The following ROCK2 variants were observed in gnomAD, a reference collection of about 807,000 sequenced individuals.
ROCK2 encodes Rho associated coiled-coil containing protein kinase 2, also known as rho-associated protein kinase 2.
A neutral mutation model predicts 195.1 loss-of-function variants in ROCK2; 61 were observed. The observed-to-expected ratio is 0.31, with a 90% CI of 0.25 to 0.39. The LOEUF is 0.39. ROCK2 is among the 10% of genes least tolerant of loss of function. The probability of loss-of-function intolerance (pLI) is 1.00; values close to 1 mark genes in which losing one functional copy is unlikely to be tolerated. For missense variants in ROCK2, 1,109 were observed against 1,637.4 expected, an observed-to-expected ratio of 0.68 and a Z score of 5.57; for synonymous variants, 504 against 545.5, an observed-to-expected ratio of 0.92 and a Z score of 1.06.
intron 3 of ROCK2, among the ~76,000 whole-genome samples, chr2:11,283,753 C>G (rs1172454710): frequency 1.3e-5 from 2 of 152,154 alleles, no homozygotes; most frequent in Admixed American, 6.5e-5. Flanking sequence ...ATAACAGCGA[C>G]AAGACCAAAT....
In ROCK2 at chr2:11,195,316, G is replaced by A. The variant is rs529530346; in HGVS notation, c.3449-291C>T. 399 of 126,086 alleles carry A rather than the reference G, an allele frequency of 3.2e-3. 1 individual carries two copies. Among genetic ancestry groups the A allele is most frequent in the African/African-American group, 0.012 (374 of 32,518 alleles). 7.8% of individuals were successfully genotyped at this position (126,086 alleles called of 1,614,324 possible). ...ATTTATAAAATTCAGGAGAAAAGTTGCCAAAAAAAAAAAAAAGGCAGCAGC... is the reference window on the plus strand; with the variant it reads ...ATTTATAAAATTCAGGAGAAAAGTTACCAAAAAAAAAAAAAAGGCAGCAGC... On this transcript the variant is annotated intron_variant, in intron 27 of 32. Coordinates refer to ENST00000315872, the MANE Select transcript of ROCK2 (RefSeq NM_004850.5).
At chr2:11,297,325 T>C (rs1030980284) in intron 1 of ROCK2, among the ~76,000 whole-genome samples, 3 of 152,130 alleles carry the variant, frequency 2.0e-5, no homozygotes, top group African/African-American at 7.2e-5. Flanking sequence ...CATTTTATTC[T>C]TTTCCTAAGT....
At chr2:11,275,989 C>G (rs527760100) in intron 3 of ROCK2, among the ~76,000 whole-genome samples, 1 of 151,992 alleles carries the variant, frequency 6.6e-6, no homozygotes, top group South Asian at 2.1e-4. Flanking sequence ...CGTGAGCCAC[C>G]GTGCCCTGCC....
intron 27 of ROCK2, 32 bp from the exon 28 acceptor site, chr2:11,195,057 A>C (rs763071882): frequency 2.5e-6 from 3 of 1,217,152 alleles, no homozygotes; most frequent in Non-Finnish European, 3.5e-6. Context: ...GAGGCTAAAG[A>C]TAACAATTCT....
At chr2:11,225,447 T>C (rs572839894) in intron 6 of ROCK2, among the ~76,000 whole-genome samples, 1 of 152,116 alleles carries the variant, frequency 6.6e-6, no homozygotes, top group South Asian at 2.1e-4. Flanking sequence ...TTTTAATTTA[T>C]TTTTTAACTT....
intron 1 of ROCK2, among the ~76,000 whole-genome samples, chr2:11,323,494 G>C (rs915905351): frequency 6.6e-6 from 1 of 152,136 alleles, no homozygotes; most frequent in African/African-American, 2.4e-5. Flanking sequence ...ATGCTACTCA[G>C]ATGTTCTGAC....
chr2:11,187,968 T>C (rs945990848), intron 32 of ROCK2, among the ~76,000 whole-genome samples: 1 of 152,174 alleles, frequency 6.6e-6, no homozygotes, highest in Non-Finnish European at 1.5e-5. Flanking sequence ...GTTTTACACT[T>C]CTTAAAACTC....
intron 17 of ROCK2, 59 bp downstream of exon 17, chr2:11,214,298 T>A: frequency 1.0e-6 from 1 of 957,832 alleles, no homozygotes; most frequent in South Asian, 1.5e-5. Flanking sequence ...TAGAATAACT[T>A]TTCTAACCTG....
At chr2:11,204,880 C>T (rs955485880) in intron 20 of ROCK2, among the ~76,000 whole-genome samples, 10 of 152,106 alleles carry the variant, frequency 6.6e-5, no homozygotes, top group Non-Finnish European at 1.5e-4. Flanking sequence ...TATATGTTTC[C>T]TCCGGGGGCA....
chr2:11,254,727 TAAAAAAAAAAAAAA>T (rs10640683), intron 3 of ROCK2, among the ~76,000 whole-genome samples: 7 of 39,130 alleles, frequency 1.8e-4, no homozygotes, highest in South Asian at 5.9e-3. Context: ...CCCTGTCTCT[TAAAAAAAAAAAAAA>T]AAAAAAAAAA....
chr2:11,288,144 C>A (rs1234194981), intron 1 of ROCK2, among the ~76,000 whole-genome samples: 1 of 152,078 alleles, frequency 6.6e-6, no homozygotes, highest in Non-Finnish European at 1.5e-5. Flanking sequence ...AAGAGAAAAT[C>A]CAAAAATAAA....
In ROCK2 at chr2:11,344,137, G is replaced by T; in HGVS notation, c.-1C>A. On this transcript the variant is annotated 5_prime_UTR_variant, in exon 1 of 33. Coordinates refer to ENST00000315872, the MANE Select transcript of ROCK2 (RefSeq NM_004850.5). The surrounding 1 kb of genome is among the most constrained non-coding windows in gnomAD (Gnocchi z 5.4). ...TCCCCGTCGGCGGGGGCCGGCTCAT[G>T]CCGCCACCGCTGGACCCGCACTCAG... 1 of 1,443,250 alleles carries T rather than the reference G, an allele frequency of 6.9e-7. No homozygotes were observed. Among genetic ancestry groups the T allele is most frequent in the South Asian group, 1.5e-5 (1 of 68,454 alleles). The allele number at this position is 1,443,250 out of a possible 1,614,324, so 89.4% of individuals were successfully genotyped here.
At chr2:11,243,557 A>AACT (rs1287143040) in intron 4 of ROCK2, among the ~76,000 whole-genome samples, 2 of 152,204 alleles carry the variant, frequency 1.3e-5, no homozygotes, top group African/African-American at 4.8e-5. Context: ...ATGGCACTTT[A>AACT]ACTCTGCAGT....
At position 11,344,364 on chromosome 2, in the gene ROCK2, G is replaced by A. The variant is rs1669216132; in HGVS notation, c.-228C>T. The A allele has an allele frequency of 8.6e-7, 1 of 1,164,590 alleles. No individual in the cohort carries two copies. The allele number at this position is 1,164,590 out of a possible 1,614,324, so 72.1% of individuals were successfully genotyped here. A position where few individuals can be genotyped will look rare whatever the true frequency, so the allele number is the denominator to read the frequency against. ...CCGGCCCGGCCCTGCCGGGAGCGGC[G>A]GGGAACAGACGGCGTCCCCGCCCCT... On this transcript the variant is annotated 5_prime_UTR_variant, in exon 1 of 33. Transcript: ENST00000315872. The surrounding 1 kb of genome is among the most constrained non-coding windows in gnomAD (Gnocchi z 5.4).
At chr2:11,237,971 G>T (rs114164373) in intron 4 of ROCK2, among the ~76,000 whole-genome samples, 6,449 of 152,200 alleles carry the variant, frequency 0.042, 269 homozygotes, top group Non-Finnish European at 0.06. Context: ...CCAGCTAATC[G>T]GGAGGCTGAG....
At chr2:11,272,972 T>C (rs1425877970) in intron 3 of ROCK2, among the ~76,000 whole-genome samples, 5 of 150,170 alleles carry the variant, frequency 3.3e-5, no homozygotes, top group Non-Finnish European at 5.9e-5. Context: ...TTAAATGTAA[T>C]GCCTATGGTA....
chr2:11,296,970 TA>T (rs1667555032), intron 1 of ROCK2, among the ~76,000 whole-genome samples: 1 of 152,136 alleles, frequency 6.6e-6, no homozygotes, highest in African/African-American at 2.4e-5. Flanking sequence ...TTATACAGCT[TA>T]ACATTTTATT....
chr2:11,211,754 G>C lies in ROCK2; in HGVS notation c.2130C>G (p.Ala710=), dbSNP rs1664255670. ...TTTTATCTGCTAGTCGTGCCTTTGT[G>C]GCCTTATGTTCAGCTTCTTCTTGTT... ...SLEQEEAEHK[A]TKARLADKNK... is the part of the protein sequence containing the mutation. The change falls in exon 18 of 33, where the codon GCC becomes GCG. Residue 710 remains alanine (A), a synonymous_variant. Transcript: ENST00000315872. The C allele has an allele frequency of 6.2e-7, 1 of 1,613,414 alleles. No individual in the cohort carries two copies. Among genetic ancestry groups the C allele is most frequent in the African/African-American group, 1.3e-5 (1 of 74,836 alleles).
intron 5 of ROCK2, among the ~76,000 whole-genome samples, chr2:11,227,900 C>T (rs911209914): frequency 6.6e-6 from 1 of 151,970 alleles, no homozygotes; most frequent in Non-Finnish European, 1.5e-5. Context: ...AGAAATAGAT[C>T]AAATGTTTAA....
Sources: allele counts gnomAD v4.1 joint callset (sites outside exome capture counted in the v4.1 genomes callset), GRCh38; gene constraint gnomAD v4.1.1; non-coding constraint Gnocchi (gnomAD v3.1); transcripts MANE v1.5; gene names NCBI Gene and HGNC (gene_info 2026-07-23, HGNC 2026-07-21).